The following NCAM1 variants were observed in gnomAD, a reference collection of about 807,000 sequenced individuals.
NCAM1 encodes the protein antigen recognized by monoclonal antibody 5.1H11.
Under a neutral mutation model 109.8 loss-of-function variants are expected in NCAM1, and 14 were observed. The observed-to-expected ratio is 0.13, with a 90% CI of 0.08 to 0.20. NCAM1 has a LOEUF of 0.20. Ranked by LOEUF, NCAM1 falls within the 10% of genes least tolerant of loss-of-function variation. NCAM1 has a pLI of 1.00. For missense variants in NCAM1, 774 were observed against 1,109.9 expected (o/e 0.70, Z 4.30); for synonymous variants, 418 against 442.9 (o/e 0.94, Z 0.70).
intron 1 of NCAM1, among the ~76,000 whole-genome samples, chr11:113,031,385 A>C (rs1394874722): frequency 6.6e-6 from 1 of 152,156 alleles, no homozygotes; most frequent in Non-Finnish European, 1.5e-5. Context: ...AATGTGAAAG[A>C]CCTGACACTA....
intron 15 of NCAM1, among the ~76,000 whole-genome samples, chr11:113,249,413 G>T (rs1945593727): frequency 6.6e-6 from 1 of 152,198 alleles, no homozygotes; most frequent in Admixed American, 6.5e-5. Context: ...AGGTGTGTCA[G>T]CCCGAATCCT....
intron 1 of NCAM1, among the ~76,000 whole-genome samples, chr11:113,069,643 A>C (rs1223557341): frequency 6.6e-6 from 1 of 151,926 alleles, no homozygotes; most frequent in Non-Finnish European, 1.5e-5. Flanking sequence ...GTTTTTAAAA[A>C]CTCAAGCAAC....
At chr11:113,000,713 G>T (rs548818199) in intron 1 of NCAM1, among the ~76,000 whole-genome samples, 30 of 151,670 alleles carry the variant, frequency 2.0e-4, no homozygotes, top group East Asian at 1.4e-3. Flanking sequence ...CTGGAAGGCT[G>T]ATGGGTCAGG....
intron 1 of NCAM1, among the ~76,000 whole-genome samples, chr11:112,965,977 CAAAGACATCTTAT>C (rs1331406206): frequency 6.6e-6 from 1 of 152,188 alleles, no homozygotes; most frequent in Non-Finnish European, 1.5e-5. Context: ...TAGGAGGAGA[CAAAGACATCTTAT>C]AAAGGCTCTC....
intron 1 of NCAM1, among the ~76,000 whole-genome samples, chr11:113,066,264 C>T (rs1190064925): frequency 2.0e-5 from 3 of 151,866 alleles, no homozygotes; most frequent in Non-Finnish European, 4.4e-5. Context: ...ATTTTAATCT[C>T]GTAAATGTCC....
intron 15 of NCAM1, among the ~76,000 whole-genome samples, chr11:113,254,005 G>A (rs922504856): frequency 1.3e-5 from 2 of 152,132 alleles, no homozygotes; most frequent in African/African-American, 2.4e-5. Flanking sequence ...GTTCTCCTGT[G>A]TCTCCTTCTA....
At chr11:113,241,281 G>A (rs1179315214) in intron 14 of NCAM1, among the ~76,000 whole-genome samples, 2 of 152,204 alleles carry the variant, frequency 1.3e-5, no homozygotes, top group Non-Finnish European at 2.9e-5. Context: ...AAATTAGATA[G>A]GGAGGCCTGT....
chr11:113,127,051 A>G (rs1941207394), intron 1 of NCAM1, among the ~76,000 whole-genome samples: 1 of 152,232 alleles, frequency 6.6e-6, no homozygotes, highest in Admixed American at 6.5e-5. Flanking sequence ...CATGGAACTC[A>G]GAGAAGATAG....
At chr11:113,133,849 T>A (rs946896474) in intron 1 of NCAM1, 5 of 152,208 alleles carry the variant, frequency 3.3e-5, no homozygotes, top group African/African-American at 9.6e-5. Flanking sequence ...CAACTAATAA[T>A]GAGTTCATTA....
intron 1 of NCAM1, among the ~76,000 whole-genome samples, chr11:113,200,262 C>A (rs1555111625): frequency 6.6e-6 from 1 of 152,170 alleles, no homozygotes; most frequent in African/African-American, 2.4e-5. Flanking sequence ...TTCTGGGCTT[C>A]ATAAGCCTGT....
At chr11:113,054,566 T>C (rs2135429042) in intron 1 of NCAM1, among the ~76,000 whole-genome samples, 1 of 152,336 alleles carries the variant, frequency 6.6e-6, no homozygotes, top group South Asian at 2.1e-4. Context: ...AAAAGTTTAC[T>C]GGAGAATTCT....
chr11:113,200,682 G>C (rs1490802270), intron 1 of NCAM1, among the ~76,000 whole-genome samples: 1 of 152,150 alleles, frequency 6.6e-6, no homozygotes, highest in Non-Finnish European at 1.5e-5. Context: ...GGCTCTCACA[G>C]TGTAGAATCA....
At chr11:113,174,433 A>G (rs1943087573) in intron 1 of NCAM1, among the ~76,000 whole-genome samples, 1 of 152,218 alleles carries the variant, frequency 6.6e-6, no homozygotes, top group Non-Finnish European at 1.5e-5. Context: ...TAAATTGGCG[A>G]GGTTTTAGTG....
At chr11:113,151,887 A>G (rs544520224) in intron 1 of NCAM1, among the ~76,000 whole-genome samples, 11 of 152,342 alleles carry the variant, frequency 7.2e-5, no homozygotes, top group African/African-American at 2.4e-4. Flanking sequence ...AAGGATGGAA[A>G]ATGGATGTAG....
chr11:112,996,855 C>G (rs1053196281), intron 1 of NCAM1, among the ~76,000 whole-genome samples: 28 of 152,278 alleles, frequency 1.8e-4, no homozygotes, highest in African/African-American at 6.7e-4. Context: ...CCTTTTCTGG[C>G]CTGCTCATCA....
chr11:113,061,195 C>A (rs1937625260), intron 1 of NCAM1, among the ~76,000 whole-genome samples: 1 of 152,060 alleles, frequency 6.6e-6, no homozygotes, highest in African/African-American at 2.4e-5. Flanking sequence ...TGGCTTATTT[C>A]ACTTAGCATA....
chr11:113,133,812 G>C (rs1265180494), intron 1 of NCAM1: 1 of 152,046 alleles, frequency 6.6e-6, no homozygotes, highest in Non-Finnish European at 1.5e-5. Flanking sequence ...TATTGCTTTG[G>C]CTCCAGACTT....
intron 1 of NCAM1, chr11:113,041,315 A>G (rs1555079956): frequency 6.6e-6 from 1 of 152,182 alleles, no homozygotes. Context: ...GCTTTTTCTC[A>G]CATTAGAAGC....
intron 1 of NCAM1, among the ~76,000 whole-genome samples, chr11:113,125,020 T>A (rs1555096783): frequency 6.6e-6 from 1 of 152,254 alleles, no homozygotes; most frequent in African/African-American, 2.4e-5. Flanking sequence ...GCATATGTAA[T>A]GTTTGTCATT....
Sources: allele counts gnomAD v4.1 joint callset (sites outside exome capture counted in the v4.1 genomes callset), GRCh38; gene constraint gnomAD v4.1.1; transcripts MANE v1.5; gene names NCBI Gene and HGNC (gene_info 2026-07-23, HGNC 2026-07-21).